ANO10: variants seen among roughly 807,000 people sequenced by gnomAD.
The protein encoded by ANO10 is anoctamin-10.
ANO10 carries 77 observed loss-of-function variants against 74.7 expected under a neutral mutation model. The ratio of observed to expected loss-of-function variants is 1.03; its 90% CI spans 0.86 to 1.25. The LOEUF is 1.25. Ranked by LOEUF, ANO10 falls within the 50% of genes most tolerant of loss-of-function variation. ANO10 has a pLI of 0.00. For missense variants in ANO10, 721 were observed against 778.1 expected, an observed-to-expected ratio of 0.93 and a Z score of 0.87; for synonymous variants, 279 against 284.9, an observed-to-expected ratio of 0.98 and a Z score of 0.21.
At chr3:43,480,029 A>G (rs1289129772) in intron 11 of ANO10, among the ~76,000 whole-genome samples, 1 of 152,250 alleles carries the variant, frequency 6.6e-6, no homozygotes, top group Admixed American at 6.5e-5. Flanking sequence ...ATAATACTGC[A>G]TTCATGAAAT....
At chr3:43,481,047 A>G (rs958027418) in intron 11 of ANO10, among the ~76,000 whole-genome samples, 1 of 99,376 alleles carries the variant, frequency 1.0e-5, no homozygotes, top group African/African-American at 3.5e-5. Flanking sequence ...AAAAGTTGTG[A>G]TGTGAAATTA....
At chr3:43,514,579 A>T (rs1019998249) in intron 11 of ANO10, among the ~76,000 whole-genome samples, 2 of 152,216 alleles carry the variant, frequency 1.3e-5, no homozygotes, top group Non-Finnish European at 2.9e-5. Context: ...TAGACAAAAA[A>T]AGCAGTAAGG....
At chr3:43,477,627 T>TTA (rs1416131638) in intron 11 of ANO10, among the ~76,000 whole-genome samples, 1 of 152,214 alleles carries the variant, frequency 6.6e-6, no homozygotes, top group Non-Finnish European at 1.5e-5. Context: ...ACTGTACTTG[T>TTA]GGTAAGCTCA....
chr3:43,485,055 T>A lies in ANO10; in HGVS notation c.1798-52328A>T, dbSNP rs1468965948. 3.7e-6 allele frequency: 5 copies of A among 1,354,744 alleles called. No homozygotes were observed. In the African/African-American group the frequency reaches 5.8e-5, roughly 16 times the overall value. 83.9% of individuals were successfully genotyped at this position (1,354,744 alleles called of 1,614,324 possible). On this transcript the variant is annotated intron_variant, in intron 11 of 12. Coordinates refer to ENST00000292246, the MANE Select transcript of ANO10 (RefSeq NM_018075.5). ...ACCCGGTGGGGCAGCAGGAACTTGA[T>A]CTTGGAGTCGTGGAACTGCTTGACA...
rs1232268094 is a variant in ANO10, at chr3:43,577,070, T to G, written c.784A>C (p.Lys262Gln). ...IWSTVILELW[K>Q]RGCANMTYRW... ...TAGGTCATGTTGGCACAGCCACGCT[T>G]CCACAGTTCCAGAATCACCGTGGAC... Residue 262 changes from lysine (K) to glutamine (Q), a missense_variant, in exon 6 of 13, where the codon AAG (lysine) becomes CAG (glutamine). By Grantham distance (53) the Lys-to-Gln change is moderately conservative. Transcript: ENST00000292246. The G allele has an allele frequency of 1.2e-6, 2 of 1,614,196 alleles. No individual in the cohort carries two copies. Among genetic ancestry groups the G allele is most frequent in the Non-Finnish European group, 1.7e-6 (2 of 1,180,026 alleles).
chr3:43,618,139 C>G (rs374326890), intron 1 of ANO10: 2 of 152,296 alleles, frequency 1.3e-5, no homozygotes, highest in African/African-American at 4.8e-5. Flanking sequence ...ATCAGCCCCG[C>G]ATACACCCAT....
intron 4 of ANO10, among the ~76,000 whole-genome samples, chr3:43,590,990 G>A (rs779755386): frequency 6.6e-6 from 1 of 152,330 alleles, no homozygotes; most frequent in Non-Finnish European, 1.5e-5. Context: ...TAAAGAAATA[G>A]TCAAATCATC....
chr3:43,443,139 G>T (rs2093185868), intron 11 of ANO10, among the ~76,000 whole-genome samples: 1 of 151,944 alleles, frequency 6.6e-6, no homozygotes, highest in Non-Finnish European at 1.5e-5. Context: ...CATTCCTAGT[G>T]TGCTGAGGAT....
chr3:43,435,511 A>G (rs868213045), intron 11 of ANO10, among the ~76,000 whole-genome samples: 5 of 92,378 alleles, frequency 5.4e-5, no homozygotes, highest in Admixed American at 1.1e-4. Context: ...TCCATCTCAG[A>G]AAAAAAAAAA....
chr3:43,418,295 A>C (rs2092772335), intron 12 of ANO10, among the ~76,000 whole-genome samples: 1 of 152,172 alleles, frequency 6.6e-6, no homozygotes, highest in African/African-American at 2.4e-5. Context: ...CCAAACCAAA[A>C]CAAACAAACA....
chr3:43,571,742 G>T lies in ANO10; in HGVS notation c.1218+3067C>A, dbSNP rs1259164384. ...GGAGATATACCTAATGCTAGATGAC[G>T]AGTTAGTGGGTGCAGCGCACCAGCA... On this transcript the variant is annotated intron_variant, in intron 7 of 12. Coordinates refer to ENST00000292246, the MANE Select transcript of ANO10 (RefSeq NM_018075.5). 2.0e-5 allele frequency among the ~76,000 whole-genome samples: 3 copies of T among 150,662 alleles called. 1 individual carries two copies. In the South Asian group the frequency reaches 6.3e-4, roughly 31 times the overall value.
At chr3:43,645,955 G>C (rs185232279) in intron 1 of ANO10, among the ~76,000 whole-genome samples, 1 of 152,116 alleles carries the variant, frequency 6.6e-6, no homozygotes, top group Non-Finnish European at 1.5e-5. Context: ...CTGCAGGCAC[G>C]CACCACCACA....
At chr3:43,487,182 G>C (rs1459564750) in intron 11 of ANO10, among the ~76,000 whole-genome samples, 2 of 150,672 alleles carry the variant, frequency 1.3e-5, no homozygotes, top group East Asian at 3.9e-4. Flanking sequence ...TAAGCTTTTT[G>C]ATGTGCTGCT....
At chr3:43,643,464 G>C (rs962065108) in intron 1 of ANO10, among the ~76,000 whole-genome samples, 39 of 151,886 alleles carry the variant, frequency 2.6e-4, no homozygotes, top group African/African-American at 9.5e-4. Flanking sequence ...ACTCTCAGTA[G>C]AGTATGTTAT....
upstream of ANO10, among the ~76,000 whole-genome samples, chr3:43,625,170 G>A (rs1011790198): frequency 2.6e-5 from 4 of 152,156 alleles, no homozygotes; most frequent in Admixed American, 6.5e-5. Context: ...TCAGGGAAAC[G>A]GAGGGAGAGA....
chr3:43,662,936 G>A (rs1004469759), intron 1 of ANO10, among the ~76,000 whole-genome samples: 3 of 152,178 alleles, frequency 2.0e-5, no homozygotes, highest in Admixed American at 1.3e-4. Flanking sequence ...AGACCAGACA[G>A]ATTCACAGCT....
intron 12 of ANO10, among the ~76,000 whole-genome samples, chr3:43,378,020 C>T (rs891943257): frequency 5.3e-5 from 8 of 152,126 alleles, no homozygotes; most frequent in Admixed American, 2.6e-4. Flanking sequence ...TGAGGGGACA[C>T]AATTTCACTG....
At chr3:43,655,649 C>T (rs938501117) in intron 1 of ANO10, among the ~76,000 whole-genome samples, 7 of 152,076 alleles carry the variant, frequency 4.6e-5, no homozygotes, top group African/African-American at 1.7e-4. Flanking sequence ...TCTCCACCTC[C>T]CCATCAGATC....
chr3:43,371,677 C>T (rs1356059236), intron 12 of ANO10, among the ~76,000 whole-genome samples: 1 of 152,184 alleles, frequency 6.6e-6, no homozygotes, highest in African/African-American at 2.4e-5. Context: ...TTATTCACAC[C>T]TTGCAACCAC....
Sources: gnomAD v4.1 joint callset for allele counts (sites outside exome capture counted in the v4.1 genomes callset) on GRCh38, gnomAD v4.1.1 for gene constraint, MANE v1.5 for transcripts, NCBI Gene and HGNC (gene_info 2026-07-23, HGNC 2026-07-21) for gene names.